SLC36A1: variants seen among roughly 807,000 people sequenced by gnomAD.
SLC36A1 encodes the protein solute carrier family 36 member 1.
SLC36A1 carries 30 observed loss-of-function variants against 47.5 expected under a neutral mutation model. The ratio of observed to expected loss-of-function variants is 0.63; its 90% CI spans 0.47 to 0.86. The LOEUF (loss-of-function observed/expected upper bound fraction) is 0.86, where lower values mean the gene tolerates loss of function less well. SLC36A1 is among the 40% of genes least tolerant of loss of function. The probability of loss-of-function intolerance (pLI) is 0.00; values close to 1 mark genes in which losing one functional copy is unlikely to be tolerated. For missense variants in SLC36A1, 517 were observed against 606.0 expected, an observed-to-expected ratio of 0.85 and a Z score of 1.54; for synonymous variants, 255 against 249.7, an observed-to-expected ratio of 1.02 and a Z score of -0.20.
intron 10 of SLC36A1, among the ~76,000 whole-genome samples, chr5:151,484,793 G>A (rs939882382): frequency 8.5e-5 from 13 of 152,152 alleles, no homozygotes; most frequent in African/African-American, 3.1e-4. Flanking sequence ...AAGAGTTTAG[G>A]TAACTAGCCA....
the SLC36A1 span, among the ~76,000 whole-genome samples, chr5:151,513,707 CG>C: frequency 1.3e-5 from 2 of 151,690 alleles, no homozygotes; most frequent in Admixed American, 6.6e-5. Flanking sequence ...ATCGGTTACC[CG>C]TATAACAAAC....
At chr5:151,399,377 G>A in the SLC36A1 span, among the ~76,000 whole-genome samples, 3 of 151,950 alleles carry the variant, frequency 2.0e-5, no homozygotes, top group African/African-American at 4.8e-5. Context: ...GTGAGCCACC[G>A]TAATGTACAT....
At chr5:151,505,780 A>G in the SLC36A1 span, 1 of 1,613,954 alleles carries the variant, frequency 6.2e-7, no homozygotes, top group Non-Finnish European at 8.5e-7. Context: ...CGGAACTGCG[A>G]GTGGTAGTAG....
At chr5:151,464,482 C>T in intron 3 of SLC36A1, 32 bp from the exon 4 acceptor site, 4 of 1,583,290 alleles carry the variant, frequency 2.5e-6, no homozygotes, top group Non-Finnish European at 2.6e-6. Flanking sequence ...CTACTTTTCT[C>T]TCTCTCTTTT....
At chr5:151,354,725 G>T in the SLC36A1 span, among the ~76,000 whole-genome samples, 1 of 152,154 alleles carries the variant, frequency 6.6e-6, no homozygotes, top group Admixed American at 6.5e-5. Flanking sequence ...CTAGCTCCAG[G>T]AATAGTCTTG....
At chr5:151,475,098 A>G (rs555313428) in intron 8 of SLC36A1, among the ~76,000 whole-genome samples, 16 of 152,328 alleles carry the variant, frequency 1.1e-4, no homozygotes, top group Non-Finnish European at 2.2e-4. Context: ...TTCATTGCCC[A>G]TGAAGAGTGT....
chr5:151,462,511 C>G (rs1483102096), intron 2 of SLC36A1, among the ~76,000 whole-genome samples: 1 of 151,830 alleles, frequency 6.6e-6, no homozygotes, highest in Non-Finnish European at 1.5e-5. Context: ...ATTACAGGTG[C>G]CTGCCACCAC....
At chr5:151,347,571 G>A in the SLC36A1 span, 364 of 1,421,730 alleles carry the variant, frequency 2.6e-4, no homozygotes, top group Middle Eastern at 9.8e-4. Flanking sequence ...GTGTGTGCCC[G>A]GGCTGGCTCT....
At chr5:151,442,886 G>C (rs140589832), upstream of SLC36A1, among the ~76,000 whole-genome samples, 5 of 152,114 alleles carry the variant, frequency 3.3e-5, no homozygotes, top group East Asian at 9.7e-4. Flanking sequence ...ATATAAATGA[G>C]AGCATGCAAT....
chr5:151,404,373 C>T, the SLC36A1 span, among the ~76,000 whole-genome samples: 2 of 152,114 alleles, frequency 1.3e-5, no homozygotes, highest in East Asian at 3.9e-4. Flanking sequence ...TCCAACTTCC[C>T]ACTTTGTGCC....
At position 151,456,911 on chromosome 5, in the gene SLC36A1, G is replaced by A. The variant is rs138054604; in HGVS notation, c.-5-1877G>A. Reference sequence around the variant, plus strand: ...CCTCTGGCAGGTGGTGCTGGGTGTCGGGGCAGGGTGGGGTGCTGTGGCAGC... The same window carrying A: ...CCTCTGGCAGGTGGTGCTGGGTGTCAGGGCAGGGTGGGGTGCTGTGGCAGC... On this transcript the variant is annotated intron_variant, in intron 1 of 10. Coordinates refer to ENST00000243389, the MANE Select transcript of SLC36A1 (RefSeq NM_078483.4). 7.0e-4 allele frequency among the ~76,000 whole-genome samples: 107 copies of A among 152,238 alleles called. 1 individual carries two copies. The highest frequency in any genetic ancestry group is 1.4e-3 in the Non-Finnish European group (98 of 68,016).
chr5:151,494,779 AT>A (rs1760291271), downstream of SLC36A1, among the ~76,000 whole-genome samples: 1 of 152,192 alleles, frequency 6.6e-6, no homozygotes, highest in Non-Finnish European at 1.5e-5. Context: ...CTGGTAAACA[AT>A]TTAGAAACTA....
intron 10 of SLC36A1, among the ~76,000 whole-genome samples, chr5:151,484,612 G>C (rs1759269586): frequency 6.6e-6 from 1 of 152,208 alleles, no homozygotes; most frequent in Non-Finnish European, 1.5e-5. Flanking sequence ...GTAAACGAAT[G>C]AACTGAGGCT....
At chr5:151,542,413 C>A in the SLC36A1 span, 1 of 1,614,148 alleles carries the variant, frequency 6.2e-7, no homozygotes. Flanking sequence ...AGAAGCAAAT[C>A]GGGGAGCATT....
chr5:151,512,278 G>A, the SLC36A1 span: 48 of 1,614,118 alleles, frequency 3.0e-5, no homozygotes, highest in African/African-American at 1.3e-4. The surrounding 1 kb of genome is among the most constrained non-coding windows in gnomAD (Gnocchi z 4.1). Context: ...GCCTGCCACC[G>A]TCTTGCCAGG....
At chr5:151,374,397 C>G in the SLC36A1 span, among the ~76,000 whole-genome samples, 1 of 152,198 alleles carries the variant, frequency 6.6e-6, no homozygotes, top group African/African-American at 2.4e-5. Flanking sequence ...GGGGTTCGAA[C>G]CGATACAAGA....
the SLC36A1 span, among the ~76,000 whole-genome samples, chr5:151,383,823 T>G: frequency 6.6e-6 from 1 of 152,184 alleles, no homozygotes; most frequent in Admixed American, 6.5e-5. Flanking sequence ...TCTGCCCGCC[T>G]CGGCCTCCCA....
At chr5:151,345,070 C>T in the SLC36A1 span, among the ~76,000 whole-genome samples, 4 of 152,134 alleles carry the variant, frequency 2.6e-5, no homozygotes, top group Non-Finnish European at 5.9e-5. Flanking sequence ...CGAAGGTTTG[C>T]CCGGAGGACA....
At chr5:151,455,228 C>A (rs1407082402) in intron 1 of SLC36A1, among the ~76,000 whole-genome samples, 3 of 152,098 alleles carry the variant, frequency 2.0e-5, no homozygotes, top group Non-Finnish European at 4.4e-5. Flanking sequence ...CGATGTCTAC[C>A]CATGATTCTC....
Sources: allele counts gnomAD v4.1 joint callset (sites outside exome capture counted in the v4.1 genomes callset), GRCh38; gene constraint gnomAD v4.1.1; non-coding constraint Gnocchi (gnomAD v3.1); transcripts MANE v1.5; gene names NCBI Gene and HGNC (gene_info 2026-07-23, HGNC 2026-07-21).